Variants in N4BP2 observed in about 807,000 individuals in gnomAD.
N4BP2 encodes NEDD4-binding protein 2.
N4BP2 carries 91 observed loss-of-function variants against 152.8 expected under a neutral mutation model. The ratio of observed to expected loss-of-function variants is 0.60; its 90% CI spans 0.50 to 0.71. N4BP2 has a LOEUF of 0.71. N4BP2 is among the 30% of genes least tolerant of loss of function. The pLI is 0.00. For missense variants in N4BP2, 1,923 were observed against 2,059.1 expected (o/e 0.93, Z 1.28); for synonymous variants, 646 against 705.3 (o/e 0.92, Z 1.33).
chr4:40,118,458 G>A (rs1717559189), intron 8 of N4BP2, among the ~76,000 whole-genome samples: 2 of 152,074 alleles, frequency 1.3e-5, no homozygotes, highest in Non-Finnish European at 2.9e-5. Context: ...AAATAAGGTG[G>A]ACTTTTGTTA....
intron 16 of N4BP2, among the ~76,000 whole-genome samples, chr4:40,148,916 G>A (rs1720877219): frequency 6.6e-6 from 1 of 151,966 alleles, no homozygotes; most frequent in African/African-American, 2.4e-5. Flanking sequence ...ATGACAGAGT[G>A]AGACTCTCTA....
chr4:40,072,748 C>T (rs1712335464), intron 1 of N4BP2, among the ~76,000 whole-genome samples: 2 of 148,610 alleles, frequency 1.3e-5, no homozygotes, highest in African/African-American at 5.0e-5. Flanking sequence ...TTTTTTGGGA[C>T]AGAGCCTCTC....
intron 10 of N4BP2, among the ~76,000 whole-genome samples, chr4:40,123,800 A>C (rs934660694): frequency 1.3e-5 from 2 of 151,982 alleles, no homozygotes; most frequent in Non-Finnish European, 2.9e-5. Context: ...TTTTTTTAAG[A>C]AAATAATTAT....
chr4:40,118,268 T>G (rs561231138), intron 8 of N4BP2, among the ~76,000 whole-genome samples: 99 of 152,166 alleles, frequency 6.5e-4, no homozygotes, highest in African/African-American at 2.2e-3. Flanking sequence ...AAGTACAAAA[T>G]TAGCCTGGCT....
chr4:40,057,752 C>T (rs1202478423), intron 1 of N4BP2, among the ~76,000 whole-genome samples: 1 of 151,448 alleles, frequency 6.6e-6, no homozygotes, highest in Non-Finnish European at 1.5e-5. Context: ...GTTTATCTCT[C>T]ATGCGCTTTT....
At chr4:40,082,205 G>A (rs1372208062) in intron 2 of N4BP2, among the ~76,000 whole-genome samples, 1 of 151,118 alleles carries the variant, frequency 6.6e-6, no homozygotes, top group African/African-American at 2.4e-5. Context: ...GAACCCAAGA[G>A]GTGGAGGCTG....
intron 3 of N4BP2, among the ~76,000 whole-genome samples, chr4:40,099,234 T>C (rs1715387764): frequency 6.6e-6 from 1 of 152,042 alleles, no homozygotes; most frequent in South Asian, 2.1e-4. Flanking sequence ...CATTGTGTGG[T>C]AGTGTTTTAA....
At chr4:40,148,631 T>C (rs901775088) in intron 16 of N4BP2, among the ~76,000 whole-genome samples, 1 of 152,216 alleles carries the variant, frequency 6.6e-6, no homozygotes, top group African/African-American at 2.4e-5. Context: ...GATTTTCCCC[T>C]TTTAAAAAAT....
At chr4:40,161,066 C>T (rs1249320845), downstream of N4BP2, among the ~76,000 whole-genome samples, 1 of 152,202 alleles carries the variant, frequency 6.6e-6, no homozygotes, top group African/African-American at 2.4e-5. Context: ...ATCAATCAAT[C>T]CTGACAAGTT....
rs562708913 is a variant in N4BP2 at position 40,096,321 on chromosome 4, AT to A, written c.-114-905del. Among the ~76,000 whole-genome samples, 36 of 152,320 alleles carry A rather than the reference AT, an allele frequency of 2.4e-4. 1 individual carries two copies. The East Asian group carries it at 6.9e-3, about 29-fold the overall frequency. ...GTCCTGAGAAGGTAACATTTGAATA[AT>A]GATAAGAAGGTGATAAGGAGATACT... On this transcript the variant is annotated intron_variant, in intron 2 of 17. Transcript: ENST00000261435.
intron 14 of N4BP2, among the ~76,000 whole-genome samples, chr4:40,138,756 A>G (rs1380058053): frequency 6.6e-6 from 1 of 152,190 alleles, no homozygotes; most frequent in Non-Finnish European, 1.5e-5. Context: ...TATTCCATTG[A>G]TCTGTATGTC....
At chr4:40,112,947 A>G (rs1176801708) in intron 6 of N4BP2, among the ~76,000 whole-genome samples, 2 of 152,162 alleles carry the variant, frequency 1.3e-5, no homozygotes, top group Non-Finnish European at 2.9e-5. Flanking sequence ...CAGTTAATCC[A>G]CCAACCTCGG....
chr4:40,142,245 C>A, intron 14 of N4BP2: 2 of 294,160 alleles, frequency 6.8e-6, no homozygotes, highest in African/African-American at 2.3e-5. Context: ...AAACTCAGAC[C>A]ACCAATGAAC....
At chr4:40,177,151 T>C in the N4BP2 span, among the ~76,000 whole-genome samples, 1 of 152,208 alleles carries the variant, frequency 6.6e-6, no homozygotes, top group Non-Finnish European at 1.5e-5. Flanking sequence ...GAGGGGGTCG[T>C]GCCTAGCTAA....
chr4:40,142,202 A>G (rs1720075608), intron 14 of N4BP2: 1 of 243,544 alleles, frequency 4.1e-6, no homozygotes. Context: ...CAGCCTCTGC[A>G]CTTATTCTCT....
chr4:40,164,242 T>A, the N4BP2 span, among the ~76,000 whole-genome samples: 1 of 152,030 alleles, frequency 6.6e-6, no homozygotes, highest in East Asian at 1.9e-4. Flanking sequence ...AAAGAACAGA[T>A]TCAGAAAGTT....
chr4:40,097,337 CAG>C lies in N4BP2; in HGVS notation c.-2_-1del, dbSNP rs1418492508. The C allele has an allele frequency of 6.2e-7, 1 of 1,610,306 alleles. No individual in the cohort carries two copies. Among genetic ancestry groups the C allele is most frequent in the African/African-American group, 1.3e-5 (1 of 74,844 alleles). On this transcript the variant is annotated 5_prime_UTR_variant, in exon 3 of 18. Coordinates refer to ENST00000261435, the MANE Select transcript of N4BP2 (RefSeq NM_018177.6). ...AGGGAAACATTTTAGTTTTGGAAGT[CAG>C]AATGCCAAGGAGAAGGAAAAATCTT...
At chr4:40,117,072 T>C (rs1242254444) in intron 7 of N4BP2, among the ~76,000 whole-genome samples, 4 of 152,230 alleles carry the variant, frequency 2.6e-5, no homozygotes, top group Admixed American at 2.6e-4. Flanking sequence ...CTTATTTTTT[T>C]ATCTTGTTTG....
the N4BP2 span, among the ~76,000 whole-genome samples, chr4:40,181,155 A>C: frequency 1.3e-5 from 2 of 152,178 alleles, no homozygotes; most frequent in Non-Finnish European, 2.9e-5. Flanking sequence ...GTCTCAAAAA[A>C]GAAAAAAATA....
Sources: allele counts gnomAD v4.1 joint callset (sites outside exome capture counted in the v4.1 genomes callset), GRCh38; gene constraint gnomAD v4.1.1; transcripts MANE v1.5; gene names NCBI Gene and HGNC (gene_info 2026-07-23, HGNC 2026-07-21).